The following NFAM1 variants were observed in gnomAD, a reference collection of about 807,000 sequenced individuals.
NFAM1 encodes the protein NFAT activation molecule 1.
NFAM1 carries 17 observed loss-of-function variants against 29.0 expected under a neutral mutation model. The ratio of observed to expected loss-of-function variants is 0.59; its 90% CI spans 0.40 to 0.88. The LOEUF is 0.88. Among genes scored for constraint, NFAM1 ranks in the 40% least tolerant of loss-of-function variants. NFAM1 has a pLI of 0.00. For synonymous variants in NFAM1, 175 were observed against 147.2 expected (o/e 1.19, Z -1.36); for missense variants, 324 against 344.6 (o/e 0.94, Z 0.47).
chr22:42,431,199 T>A (rs1930785554), intron 1 of NFAM1, among the ~76,000 whole-genome samples: 1 of 152,228 alleles, frequency 6.6e-6, no homozygotes. Context: ...CTGGCTTCCC[T>A]GGGCCTCCTT....
At chr22:42,391,945 CAA>C (rs58006775) in intron 4 of NFAM1, among the ~76,000 whole-genome samples, 12,923 of 67,968 alleles carry the variant, frequency 0.19, 356 homozygotes, top group Non-Finnish European at 0.22. Context: ...GACTCTGTCT[CAA>C]AAAAAAAAAA....
chr22:42,403,440 T>G (rs914510046), intron 3 of NFAM1, among the ~76,000 whole-genome samples: 2 of 152,168 alleles, frequency 1.3e-5, no homozygotes, highest in African/African-American at 2.4e-5. Context: ...CAGGCTGGAG[T>G]GCAGTGGTGC....
At chr22:42,389,642 G>A (rs1929266739) in intron 4 of NFAM1, among the ~76,000 whole-genome samples, 2 of 148,034 alleles carry the variant, frequency 1.4e-5, no homozygotes, top group Admixed American at 1.3e-4. Context: ...GGAGGGTGCT[G>A]GGCTGTGGCT....
intron 4 of NFAM1, among the ~76,000 whole-genome samples, chr22:42,396,405 C>T (rs1323946521): frequency 6.6e-6 from 1 of 151,928 alleles, no homozygotes; most frequent in African/African-American, 2.4e-5. Flanking sequence ...AGAAAAAATA[C>T]TGGAAAATAT....
Position 42,428,657 on chromosome 22 carries a change from G to A in NFAM1, c.121+3580C>T, listed in dbSNP as rs73173016. Among the ~76,000 whole-genome samples the A allele has an allele frequency of 6.6e-3, 1,003 of 152,346 alleles. 7 individuals carry two copies. The highest frequency in any genetic ancestry group is 9.9e-3 in the Non-Finnish European group (672 of 68,034). ...AAGGCTCACGGTCCCACCAGGCTGAGAGTGGGGCCTATGGCTTGTTCACGT... is the reference window on the plus strand; with the variant it reads ...AAGGCTCACGGTCCCACCAGGCTGAAAGTGGGGCCTATGGCTTGTTCACGT... On this transcript the variant is annotated intron_variant, in intron 1 of 5. Coordinates refer to ENST00000329021, the MANE Select transcript of NFAM1 (RefSeq NM_145912.8).
chr22:42,422,377 G>A (rs551456386), intron 1 of NFAM1, among the ~76,000 whole-genome samples: 8 of 151,990 alleles, frequency 5.3e-5, no homozygotes, highest in East Asian at 1.9e-4. Context: ...AAGCTGAGGC[G>A]GGCGGATCAT....
In NFAM1 at chr22:42,432,270, C is replaced by G. The variant is rs138744630; in HGVS notation, c.88G>C (p.Val30Leu). The G allele has an allele frequency of 1.4e-5, 22 of 1,572,648 alleles. No individual in the cohort carries two copies. Among genetic ancestry groups the G allele is most frequent in the East Asian group, 4.7e-5 (2 of 42,796 alleles). ...CGCAGGGTCCCGGGCAGCAGCAGCACGCCAAGGAGGAGCCAGGGGGCTGCG... is the reference window on the plus strand; with the variant it reads ...CGCAGGGTCCCGGGCAGCAGCAGCAGGCCAAGGAGGAGCCAGGGGGCTGCG... Reference protein sequence around the residue: ...LPAAPWLLLGVLLLPGTLRLA... With the variant: ...LPAAPWLLLGLLLLPGTLRLA... Residue 30 changes from valine to leucine, a missense_variant, in exon 1 of 6, where the codon GTG becomes CTG. By Grantham distance (32) the Val-to-Leu change is conservative. Coordinates refer to ENST00000329021, the MANE Select transcript of NFAM1 (RefSeq NM_145912.8).
chr22:42,410,713 G>A (rs1336878175), intron 2 of NFAM1, among the ~76,000 whole-genome samples: 1 of 151,276 alleles, frequency 6.6e-6, no homozygotes, highest in Admixed American at 6.6e-5. Flanking sequence ...TCTCTGGAAA[G>A]GTGTATTATA....
intron 4 of NFAM1, among the ~76,000 whole-genome samples, chr22:42,394,287 C>T (rs1244591711): frequency 2.6e-5 from 4 of 152,178 alleles, no homozygotes; most frequent in Non-Finnish European, 4.4e-5. Flanking sequence ...ATCCACCAGC[C>T]TCTGCCTCCC....
At chr22:42,397,440 G>A (rs1929567667) in intron 4 of NFAM1, among the ~76,000 whole-genome samples, 1 of 152,088 alleles carries the variant, frequency 6.6e-6, no homozygotes, top group African/African-American at 2.4e-5. Context: ...ATGTGTTAAG[G>A]GCGTGGGATG....
At chr22:42,417,036 G>C (rs17003066) in intron 1 of NFAM1, among the ~76,000 whole-genome samples, 39,238 of 151,952 alleles carry the variant, frequency 0.26, 5,547 homozygotes, top group Admixed American at 0.36. Flanking sequence ...CCGCAAGCAC[G>C]CAGAGCCCAG....
At chr22:42,393,381 G>GA (rs199709053) in intron 4 of NFAM1, among the ~76,000 whole-genome samples, 8,721 of 151,640 alleles carry the variant, frequency 0.058, 308 homozygotes, top group African/African-American at 0.1. Context: ...GAGAACTCAT[G>GA]AAAAAAATTA....
At chr22:42,402,826 GC>G in intron 3 of NFAM1, among the ~76,000 whole-genome samples, 1 of 135,492 alleles carries the variant, frequency 7.4e-6, no homozygotes, top group South Asian at 2.3e-4. Flanking sequence ...GTCCCTCTGT[GC>G]CTTCTTTTTT....
rs1928997114 is a variant in NFAM1 at position 42,382,696 on chromosome 22, G to A, written c.*2465C>T. 6.6e-6 allele frequency: 1 copy of A among 152,442 alleles called. No individual in the cohort carries two copies. The highest frequency in any genetic ancestry group is 1.5e-5 in the Non-Finnish European group (1 of 68,224). The allele number at this position is 152,442 out of a possible 1,614,324, so 9.4% of individuals were successfully genotyped here. ...CTCAGTCCTGGGGGCTGGAGAACAGGTGCTCAGTCCTCTTTGCTGCCCACA... is the reference window on the plus strand; with the variant it reads ...CTCAGTCCTGGGGGCTGGAGAACAGATGCTCAGTCCTCTTTGCTGCCCACA... On this transcript the variant is annotated 3_prime_UTR_variant, in exon 6 of 6. Transcript: ENST00000329021.
upstream of NFAM1, among the ~76,000 whole-genome samples, chr22:42,437,335 GT>G (rs1930966005): frequency 6.6e-6 from 1 of 151,916 alleles, no homozygotes; most frequent in African/African-American, 2.4e-5. Flanking sequence ...TAGAGACGGG[GT>G]TTTACCATGT....
intron 1 of NFAM1, among the ~76,000 whole-genome samples, chr22:42,430,769 A>G (rs1183778939): frequency 1.3e-5 from 2 of 152,128 alleles, no homozygotes; most frequent in East Asian, 3.8e-4. Flanking sequence ...GTAGCACCCC[A>G]TAAAACCTCT....
chr22:42,383,073 A>T lies in NFAM1; in HGVS notation c.*2088T>A, dbSNP rs1415761610. On this transcript the variant is annotated 3_prime_UTR_variant, in exon 6 of 6. Coordinates refer to ENST00000329021, the MANE Select transcript of NFAM1 (RefSeq NM_145912.8). The stretch of plus-strand genomic sequence containing the variant: ...AATCGGGGTCTGTCGGTGGCAGGGC[A>T]GCTGCAGGGAGGCCGTGTTGGTGAT... The T allele has an allele frequency of 6.5e-6, 1 of 153,942 alleles. No individual in the cohort carries two copies. The highest frequency in any genetic ancestry group is 1.4e-5 in the Non-Finnish European group (1 of 69,446). The allele number at this position is 153,942 out of a possible 1,614,324, so 9.5% of individuals were successfully genotyped here.
chr22:42,386,645 C>T (rs902048728), intron 5 of NFAM1, among the ~76,000 whole-genome samples: 1 of 152,162 alleles, frequency 6.6e-6, no homozygotes, highest in South Asian at 2.1e-4. Flanking sequence ...TACAGTGGCT[C>T]ATAGTGCATG....
Position 42,409,023 on chromosome 22 carries a change from G to A in NFAM1, c.564+412C>T, listed in dbSNP as rs1929992170. On this transcript the variant is annotated intron_variant, in intron 3 of 5. Transcript: ENST00000329021. This position sits in a 1 kb window ranked among gnomAD's most constrained non-coding sequence, Gnocchi z 4.9. ...GGGTTGCTGGAGGGCGTGCGAGAGGGCGAGTGGGAGGGTGTGTGGGAGAGC... is the reference window on the plus strand; with the variant it reads ...GGGTTGCTGGAGGGCGTGCGAGAGGACGAGTGGGAGGGTGTGTGGGAGAGC... Among the ~76,000 whole-genome samples the A allele has an allele frequency of 6.6e-6, 1 of 152,098 alleles. No homozygotes were observed.
Sources: gnomAD v4.1 joint callset for allele counts (sites outside exome capture counted in the v4.1 genomes callset) on GRCh38, gnomAD v4.1.1 for gene constraint, Gnocchi (gnomAD v3.1) non-coding constraint, MANE v1.5 for transcripts, NCBI Gene and HGNC (gene_info 2026-07-23, HGNC 2026-07-21) for gene names.